Variants in EPB41L2 observed in about 807,000 individuals in gnomAD.
EPB41L2 encodes the protein band 4.1-like protein 2.
In EPB41L2, 43 loss-of-function variants were observed where a neutral mutation model predicts 113.0. The ratio of observed to expected loss-of-function variants is 0.38; its 90% CI spans 0.30 to 0.49. The LOEUF (loss-of-function observed/expected upper bound fraction) is 0.49, where lower values mean the gene tolerates loss of function less well. EPB41L2 is among the 20% of genes least tolerant of loss of function. EPB41L2 has a pLI of 0.95. For synonymous variants in EPB41L2, 442 were observed against 436.7 expected (o/e 1.01, Z -0.15); for missense variants, 1,147 against 1,223.4 (o/e 0.94, Z 0.93).
chr6:130,924,533 C>T (rs2128548457), intron 4 of EPB41L2, among the ~76,000 whole-genome samples: 1 of 152,220 alleles, frequency 6.6e-6, no homozygotes, highest in South Asian at 2.1e-4. Context: ...CGCATGCCAC[C>T]ATGCCCGACT....
In EPB41L2 at chr6:130,957,704, T is replaced by C. The variant is rs184629857; in HGVS notation, c.-14-1205A>G. ...AAGTCAAAAAAAAAAGTACACTTGTTTTAAAGCTTTATTAAGATATAATTC... is the reference window on the plus strand; with the variant it reads ...AAGTCAAAAAAAAAAGTACACTTGTCTTAAAGCTTTATTAAGATATAATTC... On this transcript the variant is annotated intron_variant, in intron 1 of 19. Coordinates refer to ENST00000337057, the MANE Select transcript of EPB41L2 (RefSeq NM_001431.4). Among the ~76,000 whole-genome samples the C allele has an allele frequency of 8.6e-3, 1,305 of 152,318 alleles. 10 individuals are homozygous for C. Among genetic ancestry groups the C allele is most frequent in the South Asian group, 0.021 (100 of 4,820 alleles).
intron 3 of EPB41L2, among the ~76,000 whole-genome samples, chr6:130,951,988 T>C (rs1415222579): frequency 6.6e-6 from 1 of 152,166 alleles, no homozygotes; most frequent in Non-Finnish European, 1.5e-5. Flanking sequence ...GAGCAAGAAA[T>C]AAACCATTTT....
At chr6:130,914,536 G>A (rs529246209) in intron 4 of EPB41L2, among the ~76,000 whole-genome samples, 15 of 151,276 alleles carry the variant, frequency 9.9e-5, no homozygotes, top group South Asian at 4.2e-4. Context: ...AAATCCACCC[G>A]GCAAATTTTT....
chr6:130,855,984 A>C (rs1030178717), intron 19 of EPB41L2, among the ~76,000 whole-genome samples: 7 of 152,118 alleles, frequency 4.6e-5, no homozygotes, highest in African/African-American at 1.7e-4. Context: ...GGACCAATAG[A>C]AATAGTGTCA....
At chr6:131,045,580 G>C (rs879712401) in intron 1 of EPB41L2, among the ~76,000 whole-genome samples, 1 of 152,100 alleles carries the variant, frequency 6.6e-6, no homozygotes, top group Admixed American at 6.5e-5. Context: ...AGTCTGCAAA[G>C]AACAGAAGGA....
intron 1 of EPB41L2, among the ~76,000 whole-genome samples, chr6:131,002,823 G>C (rs1314012312): frequency 1.3e-5 from 2 of 152,140 alleles, no homozygotes; most frequent in African/African-American, 4.8e-5. Context: ...AGCTGTGTTT[G>C]GGTGGTCTCA....
At chr6:130,841,266 G>C (rs542605302) in intron 19 of EPB41L2, among the ~76,000 whole-genome samples, 5 of 149,680 alleles carry the variant, frequency 3.3e-5, no homozygotes, top group Non-Finnish European at 5.9e-5. Context: ...TGGACGAAAA[G>C]ACCAGTTGGC....
chr6:130,954,868 T>A (rs762265977), intron 3 of EPB41L2, among the ~76,000 whole-genome samples: 1 of 152,178 alleles, frequency 6.6e-6, no homozygotes, highest in African/African-American at 2.4e-5. Context: ...TAACACCCAG[T>A]CATTAACACA....
chr6:130,893,562 G>A (rs1583164318), intron 10 of EPB41L2, among the ~76,000 whole-genome samples: 1 of 152,326 alleles, frequency 6.6e-6, no homozygotes, highest in East Asian at 1.9e-4. Context: ...GCAGCACTGA[G>A]GATCCAGCTC....
chr6:131,007,302 G>A (rs1785823457), intron 1 of EPB41L2, among the ~76,000 whole-genome samples: 1 of 152,150 alleles, frequency 6.6e-6, no homozygotes, highest in Non-Finnish European at 1.5e-5. Context: ...TCTCTCTCCT[G>A]CCGCCCTGTG....
chr6:130,847,133 G>A (rs1777287180), intron 19 of EPB41L2, among the ~76,000 whole-genome samples: 2 of 152,162 alleles, frequency 1.3e-5, no homozygotes, highest in Admixed American at 1.3e-4. Flanking sequence ...ACATAACCAC[G>A]ATGGAGGTTT....
intron 3 of EPB41L2, among the ~76,000 whole-genome samples, chr6:130,934,526 G>A (rs1230260579): frequency 6.6e-6 from 1 of 152,128 alleles, no homozygotes; most frequent in Non-Finnish European, 1.5e-5. Context: ...AGCCTGGAGT[G>A]AAGTGGCACA....
At chr6:131,014,955 G>A (rs1299076928) in intron 1 of EPB41L2, among the ~76,000 whole-genome samples, 1 of 152,162 alleles carries the variant, frequency 6.6e-6, no homozygotes, top group Non-Finnish European at 1.5e-5. Flanking sequence ...AAATGTTTGG[G>A]TGTCTGGTAG....
chr6:130,917,453 C>G (rs1001096927), intron 4 of EPB41L2, among the ~76,000 whole-genome samples: 5 of 152,156 alleles, frequency 3.3e-5, no homozygotes, highest in Non-Finnish European at 7.4e-5. Context: ...TCCTCATCCT[C>G]CACCATCCCC....
chr6:130,972,293 C>T (rs1246187330), intron 1 of EPB41L2, among the ~76,000 whole-genome samples: 1 of 136,492 alleles, frequency 7.3e-6, no homozygotes, highest in Non-Finnish European at 1.5e-5. Flanking sequence ...CATTGCACTC[C>T]AGCCTGGGCA....
chr6:130,899,799 C>CTCT (rs1795794092), intron 7 of EPB41L2, among the ~76,000 whole-genome samples: 1 of 152,138 alleles, frequency 6.6e-6, no homozygotes, highest in South Asian at 2.1e-4. Context: ...GGTATACCTC[C>CTCT]ACTCTTACCC....
rs914339119 is a variant in EPB41L2 at position 130,944,613 on chromosome 6, T to C, written c.705+10492A>G. On this transcript the variant is annotated intron_variant, in intron 3 of 19. Transcript: ENST00000337057. ...GAAAAGAACATTCTGAGAGCTGGAT[T>C]TGAGTTGGAAACTAAGATAGGCAGG... Among the ~76,000 whole-genome samples the C allele has an allele frequency of 5.3e-5, 8 of 152,182 alleles. No homozygotes were observed. The East Asian group carries it at 7.7e-4, about 15-fold the overall frequency.
At chr6:130,861,091 G>T (rs1781867217) in intron 18 of EPB41L2, among the ~76,000 whole-genome samples, 1 of 151,646 alleles carries the variant, frequency 6.6e-6, no homozygotes, top group Non-Finnish European at 1.5e-5. Flanking sequence ...TTTTAATTTT[G>T]AGATGGAATC....
chr6:130,924,312 T>G (rs1350815175), intron 4 of EPB41L2, among the ~76,000 whole-genome samples: 1 of 152,174 alleles, frequency 6.6e-6, no homozygotes, highest in African/African-American at 2.4e-5. Flanking sequence ...GGTAAACAAA[T>G]ATCTCTTCAA....
Sources: gnomAD v4.1 joint callset for allele counts (sites outside exome capture counted in the v4.1 genomes callset) on GRCh38, gnomAD v4.1.1 for gene constraint, MANE v1.5 for transcripts, NCBI Gene and HGNC (gene_info 2026-07-23, HGNC 2026-07-21) for gene names.